C9: variants seen among roughly 807,000 people sequenced by gnomAD.
C9 encodes the protein complement C9, also known as complement component C9.
A neutral mutation model predicts 65.4 loss-of-function variants in C9; 63 were observed. That is an observed-to-expected ratio of 0.96 (90% CI 0.79 to 1.19). The LOEUF (loss-of-function observed/expected upper bound fraction) is 1.19, where lower values mean the gene tolerates loss of function less well. Ranked by LOEUF, C9 falls within the 50% of genes most tolerant of loss-of-function variation. The probability of loss-of-function intolerance (pLI) is 0.00; values close to 1 mark genes in which losing one functional copy is unlikely to be tolerated. For synonymous variants in C9, 229 were observed against 227.9 expected (o/e 1.00, Z -0.04); for missense variants, 744 against 670.1 (o/e 1.11, Z -1.22).
At position 39,331,544 on chromosome 5, in the gene C9, C is replaced by T. The variant is rs540277060; in HGVS notation, c.615+132G>A. The T allele has an allele frequency of 1.0e-5, 8 of 798,280 alleles. No homozygotes were observed. In the African/African-American group the frequency reaches 1.2e-4, roughly 12 times the overall value. 49.4% of individuals were successfully genotyped at this position (798,280 alleles called of 1,614,324 possible). A position where few individuals can be genotyped will look rare whatever the true frequency, so the allele number is the denominator to read the frequency against. ...TTCTAAAGAGATCCAAACTACATCG[C>T]CTCTTCTTTAAGTCTTGTGTTCATG... On this transcript the variant is annotated intron_variant, in intron 5 of 10. Coordinates refer to ENST00000263408, the MANE Select transcript of C9 (RefSeq NM_001737.5).
intron 4 of C9, among the ~76,000 whole-genome samples, chr5:39,340,244 A>C (rs1754050287): frequency 6.6e-6 from 1 of 152,204 alleles, no homozygotes; most frequent in African/African-American, 2.4e-5. Flanking sequence ...TATGAGCATA[A>C]AGAGACACAT....
At chr5:39,319,615 C>T (rs1753631665) in intron 5 of C9, among the ~76,000 whole-genome samples, 1 of 152,168 alleles carries the variant, frequency 6.6e-6, no homozygotes. Context: ...ACTACAGACT[C>T]AGGCTCCAGT....
intron 5 of C9, among the ~76,000 whole-genome samples, chr5:39,329,935 C>T (rs1416516047): frequency 6.6e-6 from 1 of 152,152 alleles, no homozygotes; most frequent in Non-Finnish European, 1.5e-5. Context: ...AGTTTGGCTA[C>T]TTATTTTCCA....
At chr5:39,339,939 G>C (rs968614592) in intron 4 of C9, among the ~76,000 whole-genome samples, 1 of 152,014 alleles carries the variant, frequency 6.6e-6, no homozygotes, top group South Asian at 2.1e-4. Context: ...GATTACAGGC[G>C]TGACCCGCCG....
intron 1 of C9, among the ~76,000 whole-genome samples, chr5:39,352,787 AC>A (rs1702971116): frequency 6.6e-6 from 1 of 152,144 alleles, no homozygotes; most frequent in Non-Finnish European, 1.5e-5. Flanking sequence ...TCATTCAGTT[AC>A]GAGAAACCTT....
chr5:39,319,599 C>T (rs1432772658), intron 5 of C9, among the ~76,000 whole-genome samples: 1 of 152,198 alleles, frequency 6.6e-6, no homozygotes, highest in Non-Finnish European at 1.5e-5. Context: ...GTCTCAAAGG[C>T]TGGTCACTAC....
intron 9 of C9, among the ~76,000 whole-genome samples, chr5:39,300,255 T>C (rs952518018): frequency 1.3e-5 from 2 of 151,942 alleles, no homozygotes; most frequent in African/African-American, 4.8e-5. Flanking sequence ...CTACTAAAAA[T>C]ACAAAAATTA....
chr5:39,297,895 C>A (rs1028237713), intron 9 of C9, among the ~76,000 whole-genome samples: 1 of 151,674 alleles, frequency 6.6e-6, no homozygotes, highest in African/African-American at 2.4e-5. Flanking sequence ...AATACATATT[C>A]TTTTCAAGTG....
At chr5:39,330,644 C>A (rs1367532490) in intron 5 of C9, among the ~76,000 whole-genome samples, 1 of 152,120 alleles carries the variant, frequency 6.6e-6, no homozygotes, top group Non-Finnish European at 1.5e-5. Flanking sequence ...AAAATCTGTG[C>A]TTAAAGAAGT....
chr5:39,358,210 T>A (rs1314931978), intron 1 of C9, among the ~76,000 whole-genome samples: 2 of 152,096 alleles, frequency 1.3e-5, no homozygotes, highest in African/African-American at 4.8e-5. Flanking sequence ...TTGGAATGAG[T>A]TGTTACACAG....
At chr5:39,323,265 T>G (rs80004347) in intron 5 of C9, among the ~76,000 whole-genome samples, 2,570 of 152,052 alleles carry the variant, frequency 0.017, 65 homozygotes, top group East Asian at 0.071. Context: ...TAGACTTTCT[T>G]AAAATATTCC....
At chr5:39,307,701 T>C (rs967355916) in intron 8 of C9, among the ~76,000 whole-genome samples, 1 of 152,208 alleles carries the variant, frequency 6.6e-6, no homozygotes, top group Non-Finnish European at 1.5e-5. Flanking sequence ...CACTAATTCA[T>C]GCTTGTAAAT....
At chr5:39,305,022 T>C (rs1324819083) in intron 9 of C9, among the ~76,000 whole-genome samples, 3 of 152,150 alleles carry the variant, frequency 2.0e-5, no homozygotes, top group Non-Finnish European at 4.4e-5. Context: ...GAATTTGCTT[T>C]GTAGAGATGA....
At chr5:39,287,339 T>C (rs1753008470) in intron 10 of C9, among the ~76,000 whole-genome samples, 1 of 152,036 alleles carries the variant, frequency 6.6e-6, no homozygotes, top group African/African-American at 2.4e-5. Flanking sequence ...ATGTAAGTCT[T>C]TAATCTATCT....
At chr5:39,347,371 A>G (rs1754218786) in intron 1 of C9, among the ~76,000 whole-genome samples, 1 of 152,192 alleles carries the variant, frequency 6.6e-6, no homozygotes, top group Non-Finnish European at 1.5e-5. Flanking sequence ...ATTCTTACAC[A>G]CCAATAACAG....
intron 1 of C9, among the ~76,000 whole-genome samples, chr5:39,342,738 C>T (rs944140017): frequency 6.6e-6 from 1 of 152,126 alleles, no homozygotes; most frequent in African/African-American, 2.4e-5. Context: ...AAACTGGATG[C>T]CTTGCCACTT....
At chr5:39,300,429 G>A (rs1458179536) in intron 9 of C9, among the ~76,000 whole-genome samples, 1 of 151,442 alleles carries the variant, frequency 6.6e-6, no homozygotes, top group African/African-American at 2.4e-5. Flanking sequence ...AAAACAAAAA[G>A]AAAAGAAGCA....
intron 4 of C9, among the ~76,000 whole-genome samples, chr5:39,337,973 G>C (rs1278515822): frequency 6.6e-6 from 1 of 152,194 alleles, no homozygotes; most frequent in Non-Finnish European, 1.5e-5. Context: ...TTATAAGCAT[G>C]TTGCTATGAT....
intron 9 of C9, among the ~76,000 whole-genome samples, chr5:39,297,734 T>G (rs758991730): frequency 2.1e-4 from 32 of 151,706 alleles, no homozygotes; most frequent in Middle Eastern, 3.4e-3. Context: ...CTGATAGAAC[T>G]GAAAAGAGAA....
Sources: allele counts gnomAD v4.1 joint callset (sites outside exome capture counted in the v4.1 genomes callset), GRCh38; gene constraint gnomAD v4.1.1; transcripts MANE v1.5; gene names NCBI Gene and HGNC (gene_info 2026-07-23, HGNC 2026-07-21).